Variants in ITFG1 observed in about 807,000 individuals in gnomAD.
The protein encoded by ITFG1 is T-cell immunomodulatory protein.
ITFG1 carries 34 observed loss-of-function variants against 81.8 expected under a neutral mutation model. The ratio of observed to expected loss-of-function variants is 0.42; its 90% CI spans 0.32 to 0.55. ITFG1 has a LOEUF of 0.55. Ranked by LOEUF, ITFG1 falls within the 20% of genes least tolerant of loss-of-function variation. The probability of loss-of-function intolerance (pLI) is 0.17; values close to 1 mark genes in which losing one functional copy is unlikely to be tolerated. For missense variants in ITFG1, 672 were observed against 755.4 expected, an observed-to-expected ratio of 0.89 and a Z score of 1.29; for synonymous variants, 285 against 270.6, an observed-to-expected ratio of 1.05 and a Z score of -0.52.
At chr16:47,435,026 T>C (rs1029665705) in intron 5 of ITFG1, among the ~76,000 whole-genome samples, 26 of 152,028 alleles carry the variant, frequency 1.7e-4, no homozygotes, top group African/African-American at 6.3e-4. Flanking sequence ...CTGGGGCTTT[T>C]GAGAGGCAGA....
At position 47,268,226 on chromosome 16, in the gene ITFG1, G is replaced by C. The variant is rs572128025; in HGVS notation, c.1071-7531C>G. Among the ~76,000 whole-genome samples, 38 of 152,056 alleles carry C rather than the reference G, an allele frequency of 2.5e-4. No individual in the cohort carries two copies. The South Asian group carries it at 7.5e-3, about 30-fold the overall frequency. On this transcript the variant is annotated intron_variant, in intron 10 of 17. Transcript: ENST00000320640. The stretch of plus-strand genomic sequence containing the variant: ...GAGTTAACATCACTACAAATTTTAG[G>C]GATTTTAAAAGGATGATAAGGGAAT...
chr16:47,325,639 G>C (rs1322980700), intron 8 of ITFG1, among the ~76,000 whole-genome samples: 1 of 151,930 alleles, frequency 6.6e-6, no homozygotes, highest in East Asian at 1.9e-4. Context: ...TGATAAAGGG[G>C]ATATCACCAC....
chr16:47,444,970 G>A (rs990273033), intron 5 of ITFG1, among the ~76,000 whole-genome samples: 1 of 151,862 alleles, frequency 6.6e-6, no homozygotes, highest in Non-Finnish European at 1.5e-5. Context: ...CAATACTCAC[G>A]TAATGAAATG....
Position 47,240,655 on chromosome 16 carries a change from T to G in ITFG1, c.1331-2647A>C, listed in dbSNP as rs1965922761. Among the ~76,000 whole-genome samples, 3 of 152,156 alleles carry G rather than the reference T, an allele frequency of 2.0e-5. No homozygotes were observed. In the South Asian group the frequency reaches 6.2e-4, roughly 32 times the overall value. On this transcript the variant is annotated intron_variant, in intron 12 of 17. Coordinates refer to ENST00000320640, the MANE Select transcript of ITFG1 (RefSeq NM_030790.5). ...CCAAGAGGCGGAAGCAAGCCAAATG[T>G]CCACTGACAGATGAATGAATAAAAT...
intron 8 of ITFG1, among the ~76,000 whole-genome samples, chr16:47,337,841 T>A (rs1183031257): frequency 2.0e-5 from 3 of 152,238 alleles, no homozygotes; most frequent in African/African-American, 7.2e-5. Context: ...ACCCTGAGTT[T>A]TCACATGGGC....
intron 12 of ITFG1, among the ~76,000 whole-genome samples, chr16:47,244,610 T>C: frequency 7.7e-6 from 1 of 130,004 alleles, no homozygotes; most frequent in East Asian, 2.0e-4. Flanking sequence ...TGTGTGTGTG[T>C]GTGTGTGTGT....
chr16:47,337,817 A>G (rs574728128), intron 8 of ITFG1, among the ~76,000 whole-genome samples: 279 of 152,356 alleles, frequency 1.8e-3, no homozygotes, highest in Middle Eastern at 0.017. Context: ...GTGCTCAGAA[A>G]GGGACCTGAG....
In ITFG1 at chr16:47,248,767, T is replaced by C. The variant is rs536857529; in HGVS notation, c.1330+9865A>G. Among the ~76,000 whole-genome samples, 108 of 152,290 alleles carry C rather than the reference T, an allele frequency of 7.1e-4. 1 individual carries two copies. Among genetic ancestry groups the C allele is most frequent in the African/African-American group, 2.4e-3 (100 of 41,564 alleles). On this transcript the variant is annotated intron_variant, in intron 12 of 17. Transcript: ENST00000320640. ...CAGTTATATTACTGATATAAAAATA[T>C]AGGTTTATGGGTGAAGTGAAACTTA...
chr16:47,212,161 C>T (rs1162274844), intron 14 of ITFG1, among the ~76,000 whole-genome samples: 1 of 152,094 alleles, frequency 6.6e-6, no homozygotes, highest in Non-Finnish European at 1.5e-5. Context: ...AACCTACAAA[C>T]CAGAAAATTT....
intron 13 of ITFG1, among the ~76,000 whole-genome samples, chr16:47,223,582 T>A (rs1965720364): frequency 6.6e-6 from 1 of 152,110 alleles, no homozygotes; most frequent in African/African-American, 2.4e-5. Flanking sequence ...CTGGAGAGGA[T>A]GTGGAGAAAT....
chr16:47,188,612 G>C (rs1231026637), intron 14 of ITFG1, among the ~76,000 whole-genome samples: 1 of 123,442 alleles, frequency 8.1e-6, no homozygotes, highest in Non-Finnish European at 1.7e-5. Context: ...GGGGACTGTT[G>C]TGGGGTGGGG....
chr16:47,424,132 T>C (rs1302197806), intron 6 of ITFG1, among the ~76,000 whole-genome samples: 1 of 152,218 alleles, frequency 6.6e-6, no homozygotes, highest in Non-Finnish European at 1.5e-5. Flanking sequence ...CATTTCTTTT[T>C]ACTCTTTTTT....
intron 8 of ITFG1, among the ~76,000 whole-genome samples, chr16:47,353,588 G>A (rs1221870431): frequency 2.0e-5 from 3 of 152,050 alleles, no homozygotes; most frequent in South Asian, 2.1e-4. Context: ...TATTCAAATT[G>A]GAAAGGAGGC....
chr16:47,346,814 C>T (rs1375361115), intron 8 of ITFG1, among the ~76,000 whole-genome samples: 1 of 152,210 alleles, frequency 6.6e-6, no homozygotes, highest in African/African-American at 2.4e-5. Flanking sequence ...GGCTTCACTG[C>T]TGAATTCTAC....
intron 5 of ITFG1, among the ~76,000 whole-genome samples, chr16:47,437,762 A>G (rs994923621): frequency 6.6e-6 from 1 of 152,252 alleles, no homozygotes; most frequent in Non-Finnish European, 1.5e-5. Context: ...TACAGCTCCC[A>G]CTGTGAGTGA....
At chr16:47,298,534 C>T (rs914115164) in intron 10 of ITFG1, among the ~76,000 whole-genome samples, 1 of 151,536 alleles carries the variant, frequency 6.6e-6, no homozygotes, top group Admixed American at 6.6e-5. Flanking sequence ...TTTCTCTTTG[C>T]TTCTGGGTAT....
At chr16:47,370,873 C>A (rs1034290497) in intron 7 of ITFG1, among the ~76,000 whole-genome samples, 2 of 152,188 alleles carry the variant, frequency 1.3e-5, no homozygotes, top group Non-Finnish European at 2.9e-5. Context: ...CGAAGTGGCA[C>A]TGAAAAAATC....
At chr16:47,194,374 A>G (rs1965330428) in intron 14 of ITFG1, among the ~76,000 whole-genome samples, 1 of 152,218 alleles carries the variant, frequency 6.6e-6, no homozygotes, top group African/African-American at 2.4e-5. Flanking sequence ...TATTCACAGC[A>G]CCTGGCAAAG....
chr16:47,308,071 A>C (rs1371157532), intron 10 of ITFG1, among the ~76,000 whole-genome samples: 1 of 152,162 alleles, frequency 6.6e-6, no homozygotes, highest in Non-Finnish European at 1.5e-5. Context: ...CATTGATTCC[A>C]TATCTCTGCT....
Sources: allele counts gnomAD v4.1 joint callset (sites outside exome capture counted in the v4.1 genomes callset), GRCh38; gene constraint gnomAD v4.1.1; transcripts MANE v1.5; gene names NCBI Gene and HGNC (gene_info 2026-07-23, HGNC 2026-07-21).